Variants in ALK observed in about 807,000 individuals in gnomAD.
ALK encodes ALK receptor tyrosine kinase.
Under a neutral mutation model 163.1 loss-of-function variants are expected in ALK, and 74 were observed. The ratio of observed to expected loss-of-function variants is 0.45; its 90% CI spans 0.38 to 0.55. The LOEUF (loss-of-function observed/expected upper bound fraction) is 0.55. Among genes scored for constraint, ALK ranks in the 20% least tolerant of loss-of-function variants. ALK has a pLI of 0.00. For missense variants in ALK, 2,063 were observed against 2,105.3 expected, an observed-to-expected ratio of 0.98 and a Z score of 0.39; for synonymous variants, 960 against 843.2, an observed-to-expected ratio of 1.14 and a Z score of -2.40.
intron 4 of ALK, among the ~76,000 whole-genome samples, chr2:29,517,194 G>C (rs537005548): frequency 4.6e-5 from 7 of 152,260 alleles, no homozygotes; most frequent in Admixed American, 3.3e-4. Flanking sequence ...GTCACATACA[G>C]AGAGGTTTAG....
chr2:29,738,952 A>G (rs1679970617), intron 1 of ALK, among the ~76,000 whole-genome samples: 1 of 152,068 alleles, frequency 6.6e-6, no homozygotes, highest in African/African-American at 2.4e-5. Context: ...ACATTATTAT[A>G]TTGGCTAGGC....
At chr2:29,255,570 G>C (rs1053100255) in intron 11 of ALK, among the ~76,000 whole-genome samples, 6 of 152,148 alleles carry the variant, frequency 3.9e-5, no homozygotes, top group Admixed American at 3.3e-4. Context: ...ACTTTTCTGA[G>C]CCTATCAGTA....
intron 4 of ALK, among the ~76,000 whole-genome samples, chr2:29,475,458 C>A (rs1446847570): frequency 6.6e-6 from 1 of 152,172 alleles, no homozygotes; most frequent in Admixed American, 6.5e-5. Context: ...TTCCCAGAAT[C>A]CCTCCCTCCA....
At chr2:29,339,472 C>T (rs549820657) in intron 5 of ALK, among the ~76,000 whole-genome samples, 124 of 152,174 alleles carry the variant, frequency 8.1e-4, no homozygotes, top group African/African-American at 2.8e-3. Context: ...GAGGCCAAGG[C>T]CCAACCAGGC....
At chr2:29,905,310 A>G (rs933493714) in intron 1 of ALK, among the ~76,000 whole-genome samples, 2 of 152,236 alleles carry the variant, frequency 1.3e-5, no homozygotes, top group African/African-American at 4.8e-5. Flanking sequence ...TGTAAATTAG[A>G]CTTAAGTCTA....
At chr2:29,200,796 TAC>T (rs1573089895) in intron 26 of ALK, among the ~76,000 whole-genome samples, 1 of 128,344 alleles carries the variant, frequency 7.8e-6, no homozygotes, top group African/African-American at 2.8e-5. Flanking sequence ...TATACATGTA[TAC>T]ATATATATGT....
intron 1 of ALK, among the ~76,000 whole-genome samples, chr2:29,878,581 A>C (rs138366077): frequency 1.6e-3 from 244 of 152,342 alleles, no homozygotes; most frequent in Middle Eastern, 0.014. Flanking sequence ...AACTTCCCCT[A>C]GCTCAGACCT....
chr2:29,625,099 C>T (rs901491686), intron 3 of ALK, among the ~76,000 whole-genome samples: 3 of 152,116 alleles, frequency 2.0e-5, no homozygotes, highest in Non-Finnish European at 2.9e-5. Context: ...CACTGGTGGC[C>T]GTGGAATGTG....
chr2:29,539,040 C>G (rs971925403), intron 3 of ALK, among the ~76,000 whole-genome samples: 26 of 119,446 alleles, frequency 2.2e-4, no homozygotes, highest in Non-Finnish European at 1.6e-4. Context: ...TGTACTTTTT[C>G]TCTTCCACAC....
intron 4 of ALK, among the ~76,000 whole-genome samples, chr2:29,384,516 C>T (rs952324999): frequency 6.6e-6 from 1 of 152,154 alleles, no homozygotes; most frequent in African/African-American, 2.4e-5. Flanking sequence ...AGGATACTGA[C>T]ACTGTCAGAG....
chr2:29,921,485 G>A lies in ALK; in HGVS notation c.-826C>T, dbSNP rs886055939. The stretch of plus-strand genomic sequence containing the variant: ...GGCTTTGGGTGGCCGACCAGAGGGC[G>A]GCCGGAAAGCACCTCGGTGCCCCGC... On this transcript the variant is annotated 5_prime_UTR_variant, in exon 1 of 29. Transcript: ENST00000389048. The A allele has an allele frequency of 4.7e-5, 11 of 232,024 alleles. No homozygotes were observed. Among genetic ancestry groups the A allele is most frequent in the Non-Finnish European group, 7.7e-5 (9 of 117,234 alleles). 14.4% of individuals were successfully genotyped at this position (232,024 alleles called of 1,614,324 possible).
intron 23 of ALK, among the ~76,000 whole-genome samples, chr2:29,215,965 A>G (rs1371277763): frequency 6.6e-6 from 1 of 152,016 alleles, no homozygotes; most frequent in Non-Finnish European, 1.5e-5. Flanking sequence ...AGGGGACCCG[A>G]GGTATTGAGG....
At chr2:29,593,145 G>A (rs891828997) in intron 3 of ALK, among the ~76,000 whole-genome samples, 1 of 152,194 alleles carries the variant, frequency 6.6e-6, no homozygotes, top group African/African-American at 2.4e-5. Context: ...CACAGGTTAC[G>A]TTACGCCAGT....
At chr2:29,844,118 C>T (rs1328507430) in intron 1 of ALK, among the ~76,000 whole-genome samples, 1 of 152,134 alleles carries the variant, frequency 6.6e-6, no homozygotes, top group East Asian at 1.9e-4. Context: ...AAGGAAATTT[C>T]CTTGAGGAAG....
At chr2:29,731,140 G>C (rs1318266566) in intron 1 of ALK, among the ~76,000 whole-genome samples, 4 of 152,152 alleles carry the variant, frequency 2.6e-5, no homozygotes, top group African/African-American at 7.2e-5. Flanking sequence ...TAAAGAAAAG[G>C]GGTAAAACTT....
chr2:29,842,066 C>T (rs137973392), intron 1 of ALK, among the ~76,000 whole-genome samples: 1,930 of 151,816 alleles, frequency 0.013, 45 homozygotes, highest in African/African-American at 0.044. Flanking sequence ...TTTCTCCATC[C>T]TCCCCCCTCC....
rs1208681809 is a variant in ALK, at chr2:29,275,430, G to A, written c.1884C>T (p.Ile628=). 3.7e-6 allele frequency: 6 copies of A among 1,614,164 alleles called. No individual in the cohort carries two copies. The highest frequency in any genetic ancestry group is 3.3e-5 in the South Asian group (3 of 91,086). Residue 628 remains isoleucine (I), a synonymous_variant, in exon 10 of 29, where the codon ATC becomes ATT. Transcript: ENST00000389048. ...TGAGGTAGCAGTCCAGGCTGATGGA[G>A]ATATTGTCAAAAGCCACGATGGCTC... ...GSRAIVAFDN[I]SISLDCYLTI... is the part of the protein sequence containing the mutation.
At chr2:29,336,633 G>A (rs984937087) in intron 5 of ALK, among the ~76,000 whole-genome samples, 7 of 152,164 alleles carry the variant, frequency 4.6e-5, no homozygotes, top group Admixed American at 6.5e-5. Flanking sequence ...CCCTAATTAT[G>A]CATTCGAAAC....
chr2:29,297,331 C>T (rs1666221959), intron 8 of ALK, among the ~76,000 whole-genome samples: 1 of 152,168 alleles, frequency 6.6e-6, no homozygotes, highest in Non-Finnish European at 1.5e-5. Context: ...TTGATGTTAT[C>T]ATCCTACCTT....
Sources: gnomAD v4.1 joint callset for allele counts (sites outside exome capture counted in the v4.1 genomes callset) on GRCh38, gnomAD v4.1.1 for gene constraint, MANE v1.5 for transcripts, NCBI Gene and HGNC (gene_info 2026-07-23, HGNC 2026-07-21) for gene names.